Variants in PTPRG observed in about 807,000 individuals in gnomAD.
PTPRG encodes the protein receptor-type tyrosine-protein phosphatase gamma.
In PTPRG, 102 loss-of-function variants were observed where a neutral mutation model predicts 165.3. That is an observed-to-expected ratio of 0.62 (90% confidence interval 0.53 to 0.73). The LOEUF (loss-of-function observed/expected upper bound fraction) is 0.73, where lower values mean the gene tolerates loss of function less well. Ranked by LOEUF, PTPRG falls within the 30% of genes least tolerant of loss-of-function variation. The probability of loss-of-function intolerance (pLI) is 0.00; values close to 1 mark genes in which losing one functional copy is unlikely to be tolerated. For missense variants in PTPRG, 1,866 were observed against 1,861.4 expected (o/e 1.00, Z -0.05); for synonymous variants, 675 against 669.5 (o/e 1.01, Z -0.13).
intron 4 of PTPRG, among the ~76,000 whole-genome samples, chr3:62,019,809 C>A (rs1031862285): frequency 1.3e-5 from 2 of 152,138 alleles, no homozygotes; most frequent in South Asian, 2.1e-4. Flanking sequence ...AAAACTCTTA[C>A]AATAATAATG....
Position 61,624,282 on chromosome 3 carries a change from C to T in PTPRG, c.85+61910C>T, listed in dbSNP as rs143862531. Among the ~76,000 whole-genome samples the T allele has an allele frequency of 1.8e-3, 276 of 152,248 alleles. 3 individuals carry two copies. The highest frequency in any genetic ancestry group is 6.3e-3 in the African/African-American group (261 of 41,576). On this transcript the variant is annotated intron_variant, in intron 1 of 29. Transcript: ENST00000474889. ...GCTGAATGAAAATCTACCCCCTCCTCCTTCCTTCTGAGTCCTTGTATTATT... is the reference window on the plus strand; with the variant it reads ...GCTGAATGAAAATCTACCCCCTCCTTCTTCCTTCTGAGTCCTTGTATTATT...
chr3:61,612,855 T>A (rs1190396537), intron 1 of PTPRG, among the ~76,000 whole-genome samples: 1 of 70,944 alleles, frequency 1.4e-5, no homozygotes, highest in Non-Finnish European at 2.8e-5. Flanking sequence ...TTCCTGGAAT[T>A]AATTTGTGTG....
chr3:61,729,941 A>C (rs1456914969), intron 1 of PTPRG, among the ~76,000 whole-genome samples: 1 of 152,226 alleles, frequency 6.6e-6, no homozygotes, highest in African/African-American at 2.4e-5. Context: ...ATATGTGATA[A>C]TATAATGATT....
intron 12 of PTPRG, among the ~76,000 whole-genome samples, chr3:62,212,634 G>T (rs928854434): frequency 2.6e-5 from 4 of 152,190 alleles, no homozygotes; most frequent in African/African-American, 9.6e-5. Context: ...GGAGTTGGGA[G>T]TGAGGAAAGC....
At chr3:61,852,294 TC>T (rs753146981) in intron 2 of PTPRG, among the ~76,000 whole-genome samples, 2 of 152,214 alleles carry the variant, frequency 1.3e-5, no homozygotes, top group African/African-American at 2.4e-5. Context: ...CTTTTTATGG[TC>T]AGTTATAAAG....
chr3:61,888,574 G>A (rs899707053), intron 2 of PTPRG, among the ~76,000 whole-genome samples: 1 of 152,040 alleles, frequency 6.6e-6, no homozygotes, highest in Non-Finnish European at 1.5e-5. Flanking sequence ...CTTGCGATCC[G>A]CCCGCCTTGG....
intron 1 of PTPRG, among the ~76,000 whole-genome samples, chr3:61,650,098 T>C (rs1702309631): frequency 6.6e-6 from 1 of 152,164 alleles, no homozygotes; most frequent in Non-Finnish European, 1.5e-5. Context: ...ATAAAACCCA[T>C]AAGCACCAGG....
At chr3:61,909,534 A>G (rs2038748154) in intron 2 of PTPRG, among the ~76,000 whole-genome samples, 1 of 151,984 alleles carries the variant, frequency 6.6e-6, no homozygotes, top group East Asian at 1.9e-4. Context: ...ATTTTTTTGT[A>G]GCAATACAGT....
At chr3:62,005,542 T>G (rs1027937206) in intron 4 of PTPRG, among the ~76,000 whole-genome samples, 3 of 152,092 alleles carry the variant, frequency 2.0e-5, no homozygotes, top group Non-Finnish European at 2.9e-5. Context: ...TTTAAAAACT[T>G]AATCAGATGG....
chr3:61,977,282 G>C (rs1476391242), intron 2 of PTPRG, among the ~76,000 whole-genome samples: 2 of 151,718 alleles, frequency 1.3e-5, no homozygotes, highest in Admixed American at 1.3e-4. Flanking sequence ...GAGAATGCAT[G>C]CTATGATGTG....
At chr3:62,163,309 C>CT (rs1173284085) in intron 7 of PTPRG, among the ~76,000 whole-genome samples, 3 of 152,098 alleles carry the variant, frequency 2.0e-5, no homozygotes, top group African/African-American at 7.2e-5. Flanking sequence ...AAAACTTATA[C>CT]TAATACTGCT....
At chr3:61,676,671 G>A (rs1368178933) in intron 1 of PTPRG, among the ~76,000 whole-genome samples, 2 of 151,636 alleles carry the variant, frequency 1.3e-5, no homozygotes, top group Non-Finnish European at 2.9e-5. Context: ...GACATCTATC[G>A]GGAAATGGAT....
chr3:62,170,220 C>T (rs912383909), intron 8 of PTPRG, among the ~76,000 whole-genome samples: 2 of 151,900 alleles, frequency 1.3e-5, no homozygotes, highest in Admixed American at 6.6e-5. Context: ...TGGAAAACCT[C>T]ACATGAACTA....
intron 10 of PTPRG, among the ~76,000 whole-genome samples, chr3:62,199,714 G>A (rs1700054379): frequency 6.6e-6 from 1 of 152,156 alleles, no homozygotes; most frequent in South Asian, 2.1e-4. Context: ...ATCTCTCAGT[G>A]TATATAGGAA....
chr3:61,999,648 AATTT>A (rs1298432064), intron 3 of PTPRG, among the ~76,000 whole-genome samples: 9 of 152,118 alleles, frequency 5.9e-5, no homozygotes, highest in African/African-American at 2.2e-4. Flanking sequence ...GTTTTCTTCT[AATTT>A]ATTTATTTCA....
chr3:61,901,991 A>G (rs190202695), intron 2 of PTPRG, among the ~76,000 whole-genome samples: 28 of 152,286 alleles, frequency 1.8e-4, no homozygotes, highest in African/African-American at 6.5e-4. Flanking sequence ...TTGTCTTGTA[A>G]TGAAACGTGG....
chr3:61,972,506 G>A (rs1463727862), intron 2 of PTPRG, among the ~76,000 whole-genome samples: 3 of 152,072 alleles, frequency 2.0e-5, no homozygotes, highest in South Asian at 4.1e-4. Context: ...GTGGGTCAGA[G>A]AGTCAGGTTA....
chr3:62,080,061 CATTTTTTTTTT>C lies in PTPRG; in HGVS notation c.615+1804_615+1814del, dbSNP rs1427737624. 3.6e-5 allele frequency among the ~76,000 whole-genome samples: 4 copies of C among 111,568 alleles called. No homozygotes were observed. The South Asian group carries it at 7.9e-4, about 22-fold the overall frequency. The allele number at this position is 111,568 out of a possible 152,430, so 73.2% of individuals were successfully genotyped here. A position where few individuals can be genotyped will look rare whatever the true frequency, so the allele number is the denominator to read the frequency against. Reference sequence around the variant, plus strand: ...GAGTTCTGTCTGGACCCCTTCGGTTCATTTTTTTTTTTTTTTTTTTTGAGATGGAGTTTCGC... The same window carrying C: ...GAGTTCTGTCTGGACCCCTTCGGTTCTTTTTTTTTTGAGATGGAGTTTCGC... On this transcript the variant is annotated intron_variant, in intron 5 of 29. Transcript: ENST00000474889.
Position 62,257,919 on chromosome 3 carries a change from G to A in PTPRG, c.2559+2704G>A, listed in dbSNP as rs563595627. ...ATTGAGGCTGCAGTGACCTATGACC[G>A]TACCACTGCACTCCAGCCTGAGCGA... On this transcript the variant is annotated intron_variant, in intron 16 of 29. Coordinates refer to ENST00000474889, the MANE Select transcript of PTPRG (RefSeq NM_002841.4). 3.9e-5 allele frequency among the ~76,000 whole-genome samples: 6 copies of A among 152,216 alleles called. No individual in the cohort carries two copies. The East Asian group carries it at 7.7e-4, about 20-fold the overall frequency.
Sources: allele counts gnomAD v4.1 joint callset (sites outside exome capture counted in the v4.1 genomes callset), GRCh38; gene constraint gnomAD v4.1.1; transcripts MANE v1.5; gene names NCBI Gene and HGNC (gene_info 2026-07-23, HGNC 2026-07-21).